MAML3: variants seen among roughly 807,000 people sequenced by gnomAD.
The protein encoded by MAML3 is mastermind-like protein 3.
Under a neutral mutation model 101.9 loss-of-function variants are expected in MAML3, and 27 were observed. That is an observed-to-expected ratio of 0.27 (90% CI 0.20 to 0.37). The LOEUF is 0.37. Ranked by LOEUF, MAML3 falls within the 10% of genes least tolerant of loss-of-function variation. MAML3 has a pLI of 1.00. For synonymous variants in MAML3, 501 were observed against 555.9 expected, an observed-to-expected ratio of 0.90 and a Z score of 1.39; for missense variants, 1,316 against 1,444.9, an observed-to-expected ratio of 0.91 and a Z score of 1.45.
intron 1 of MAML3, among the ~76,000 whole-genome samples, chr4:140,092,076 G>GTATA (rs367672054): frequency 2.3e-4 from 15 of 64,036 alleles, no homozygotes; most frequent in Non-Finnish European, 4.5e-4. Context: ...ATATATATAC[G>GTATA]TATATATATA....
chr4:140,013,852 T>A (rs894254487), intron 1 of MAML3, among the ~76,000 whole-genome samples: 1 of 152,200 alleles, frequency 6.6e-6, no homozygotes, highest in African/African-American at 2.4e-5. Context: ...CAGTCCCCAA[T>A]AGAGAACCTT....
In MAML3 at chr4:139,814,597, C is replaced by T. The variant is rs571131988; in HGVS notation, c.2079+74760G>A. Among the ~76,000 whole-genome samples, 11 of 152,076 alleles carry T rather than the reference C, an allele frequency of 7.2e-5. No individual in the cohort carries two copies. The East Asian group carries it at 7.7e-4, about 11-fold the overall frequency. On this transcript the variant is annotated intron_variant, in intron 2 of 4. Transcript: ENST00000509479. ...TTTGTGGCTGCTGTGTAGATATGAA[C>T]GAACTGTAATGAACTGTGTGGTTCA...
intron 3 of MAML3, among the ~76,000 whole-genome samples, 155 bp from the exon 4 acceptor site, chr4:139,725,990 G>C (rs1488994166): frequency 2.0e-4 from 31 of 152,192 alleles, no homozygotes; most frequent in Admixed American, 1.4e-3. Flanking sequence ...CAAAGTCTAA[G>C]GATAGAGTCA....
Position 139,890,772 on chromosome 4 carries a change from C to A in MAML3, c.664G>T (p.Asp222Tyr). 1.2e-5 allele frequency: 19 copies of A among 1,613,954 alleles called. No homozygotes were observed. The highest frequency in any genetic ancestry group is 1.5e-5 in the Non-Finnish European group (18 of 1,179,828). Residue 222 changes from aspartate to tyrosine, a missense_variant, in exon 2 of 5, where the codon GAC becomes TAC. Physicochemically the swap from Asp to Tyr is radical, Grantham distance 160. Transcript: ENST00000509479. This position sits in a 1 kb window ranked among gnomAD's most constrained non-coding sequence, Gnocchi z 4.1. ...TGCAAGGGCAAAGAAGGTTTCAGGT[C>A]AAGTTGGTGAAGAGGAGAAGCTGAA... ...LPSASPLHQL[D>Y]LKPSLPLQNS...
At position 139,954,677 on chromosome 4, in the gene MAML3, A is replaced by T. The variant is rs551488489; in HGVS notation, c.469-63710T>A. Among the ~76,000 whole-genome samples the T allele has an allele frequency of 9.2e-5, 14 of 152,316 alleles. No homozygotes were observed. The South Asian group carries it at 2.9e-3, about 32-fold the overall frequency. On this transcript the variant is annotated intron_variant, in intron 1 of 4. Coordinates refer to ENST00000509479, the MANE Select transcript of MAML3 (RefSeq NM_018717.5). ...TGGATGCAAGAGATTCACTTTGCGT[A>T]AGAAGTGTCTTTATTTTTGTTTTTT... is the stretch of plus-strand genomic sequence containing the variant.
At chr4:140,030,704 C>T (rs926537853) in intron 1 of MAML3, among the ~76,000 whole-genome samples, 2 of 152,286 alleles carry the variant, frequency 1.3e-5, no homozygotes, top group East Asian at 1.9e-4. Context: ...TCCCAGCTTG[C>T]GGAGATACAA....
chr4:139,729,034 G>A (rs750146261), intron 3 of MAML3, among the ~76,000 whole-genome samples: 1 of 151,966 alleles, frequency 6.6e-6, no homozygotes, highest in Non-Finnish European at 1.5e-5. Context: ...GATTAGCATG[G>A]CTCCTTGTCG....
At chr4:139,907,134 C>T (rs1182992588) in intron 1 of MAML3, among the ~76,000 whole-genome samples, 2 of 152,164 alleles carry the variant, frequency 1.3e-5, no homozygotes, top group African/African-American at 4.8e-5. Flanking sequence ...CCTGAGTGTA[C>T]ACAACAGAAA....
At chr4:139,812,334 C>T (rs72730241) in intron 2 of MAML3, among the ~76,000 whole-genome samples, 9,075 of 152,234 alleles carry the variant, frequency 0.06, 416 homozygotes, top group Non-Finnish European at 0.083. Context: ...AAACACAGTA[C>T]GATTAGCTGA....
In MAML3 at chr4:140,043,283, G is replaced by A. The variant is rs375850938; in HGVS notation, c.468+109577C>T. Among the ~76,000 whole-genome samples the A allele has an allele frequency of 5.7e-4, 87 of 152,176 alleles. No homozygotes were observed. The Middle Eastern group carries it at 0.017, about 30-fold the overall frequency. ...AATCTATCTAGACTGACTTACCTAC[G>A]GCTCTGTTCACCTCTTAGATCCCAA... On this transcript the variant is annotated intron_variant, in intron 1 of 4. Coordinates refer to ENST00000509479, the MANE Select transcript of MAML3 (RefSeq NM_018717.5).
chr4:139,841,059 T>C (rs957619146), intron 2 of MAML3, among the ~76,000 whole-genome samples: 9 of 152,118 alleles, frequency 5.9e-5, no homozygotes, highest in African/African-American at 2.2e-4. Context: ...GATAACAACA[T>C]AGAACCAAAA....
chr4:139,797,526 GA>G (rs939324685), intron 2 of MAML3, among the ~76,000 whole-genome samples: 2 of 152,128 alleles, frequency 1.3e-5, no homozygotes, highest in Non-Finnish European at 2.9e-5. Flanking sequence ...ATCCTTGGTG[GA>G]AGGGGGTGTT....
intron 1 of MAML3, among the ~76,000 whole-genome samples, chr4:139,911,289 C>T (rs1732916128): frequency 6.6e-6 from 1 of 151,682 alleles, no homozygotes; most frequent in African/African-American, 2.4e-5. Context: ...GTAATCTCAG[C>T]TCATTGCAAC....
In MAML3 at chr4:140,066,389, C is replaced by G. The variant is rs1727536649; in HGVS notation, c.468+86471G>C. The stretch of plus-strand genomic sequence containing the variant: ...AATAAAGGCCAGCTCCTGATATGTG[C>G]AACAGGTTCCCTGGATAACGTTGGC... On this transcript the variant is annotated intron_variant, in intron 1 of 4. Coordinates refer to ENST00000509479, the MANE Select transcript of MAML3 (RefSeq NM_018717.5). Among the ~76,000 whole-genome samples, 4 of 152,198 alleles carry G rather than the reference C, an allele frequency of 2.6e-5. No homozygotes were observed. The South Asian group carries it at 8.3e-4, about 32-fold the overall frequency.
intron 2 of MAML3, among the ~76,000 whole-genome samples, chr4:139,816,007 C>T (rs1730886127): frequency 6.6e-6 from 1 of 152,010 alleles, no homozygotes; most frequent in Admixed American, 6.6e-5. Context: ...ATATATTCAC[C>T]CCAGCTCCAA....
At chr4:139,788,589 A>G (rs1438698747) in intron 2 of MAML3, among the ~76,000 whole-genome samples, 3 of 152,146 alleles carry the variant, frequency 2.0e-5, no homozygotes, top group African/African-American at 7.2e-5. Flanking sequence ...CATTGTCCCT[A>G]TTTTTAGCTG....
rs777679626 is a variant in MAML3, at chr4:139,889,790, T to C, written c.1646A>G (p.Asn549Ser). The C allele has an allele frequency of 2.7e-5, 43 of 1,613,862 alleles. 2 individuals are homozygous for C. The South Asian group carries it at 4.5e-4, about 17-fold the overall frequency. The change falls in exon 2 of 5, where the codon AAC becomes AGC. Residue 549 changes from asparagine (N) to serine (S), a missense_variant. Asn to Ser is a conservative substitution (Grantham distance 46). Transcript: ENST00000509479. ...SPMMYPQAFN[N>S]QNPIVPPMAN... ...CATTGGAGGCACTATAGGGTTTTGG[T>C]TGTTAAAGGCTTGGGGGTACATCAT...
intron 1 of MAML3, among the ~76,000 whole-genome samples, chr4:140,053,435 T>C (rs759243391): frequency 1.7e-4 from 26 of 152,144 alleles, no homozygotes; most frequent in Admixed American, 1.3e-4. Context: ...TACACCAGTA[T>C]TACTGCAGGG....
rs142478122 is a variant in MAML3, at chr4:140,010,480, C to T, written c.469-119513G>A. 3.7e-4 allele frequency among the ~76,000 whole-genome samples: 56 copies of T among 152,136 alleles called. No homozygotes were observed. In the Middle Eastern group the frequency reaches 0.01, roughly 28 times the overall value. On this transcript the variant is annotated intron_variant, in intron 1 of 4. Coordinates refer to ENST00000509479, the MANE Select transcript of MAML3 (RefSeq NM_018717.5). The stretch of plus-strand genomic sequence containing the variant: ...TTGCTTTTTAATTCCTTCTTTTCAT[C>T]GGGGTAGATCAGTTTAAACAATTTA...
Sources: allele counts gnomAD v4.1 joint callset (sites outside exome capture counted in the v4.1 genomes callset), GRCh38; gene constraint gnomAD v4.1.1; non-coding constraint Gnocchi (gnomAD v3.1); transcripts MANE v1.5; gene names NCBI Gene and HGNC (gene_info 2026-07-23, HGNC 2026-07-21).